Variants in SORT1 observed in about 807,000 individuals in gnomAD.
The protein encoded by SORT1 is sortilin.
A neutral mutation model predicts 101.7 loss-of-function variants in SORT1; 39 were observed. The observed-to-expected ratio is 0.38, with a 90% CI of 0.30 to 0.50. The LOEUF (loss-of-function observed/expected upper bound fraction) is 0.50. Ranked by LOEUF, SORT1 falls within the 20% of genes least tolerant of loss-of-function variation. The probability of loss-of-function intolerance (pLI) is 0.90; values close to 1 mark genes in which losing one functional copy is unlikely to be tolerated. For synonymous variants in SORT1, 396 were observed against 393.7 expected (o/e 1.01, Z -0.07); for missense variants, 878 against 1,040.4 (o/e 0.84, Z 2.15).
chr1:109,374,269 T>A (rs575468789), intron 1 of SORT1, among the ~76,000 whole-genome samples: 120 of 151,956 alleles, frequency 7.9e-4, no homozygotes, highest in South Asian at 4.2e-3. Context: ...GAAAAAAAAT[T>A]TTTTTAAAGA....
At chr1:109,382,636 C>G (rs1277827048) in intron 1 of SORT1, among the ~76,000 whole-genome samples, 1 of 152,134 alleles carries the variant, frequency 6.6e-6, no homozygotes, top group Admixed American at 6.5e-5. Flanking sequence ...TGTCCATTAC[C>G]TATTGAACAG....
At chr1:109,335,413 A>T (rs984785416) in intron 11 of SORT1, among the ~76,000 whole-genome samples, 4 of 152,188 alleles carry the variant, frequency 2.6e-5, no homozygotes, top group Non-Finnish European at 5.9e-5. Context: ...AGTCGGGTAG[A>T]TGCAACAGTG....
chr1:109,341,135 C>A (rs1649191385), intron 9 of SORT1, among the ~76,000 whole-genome samples: 1 of 152,140 alleles, frequency 6.6e-6, no homozygotes. Flanking sequence ...TCAGATGCTA[C>A]AGAAAAACTC....
At chr1:109,316,241 G>A (rs191209412) in intron 17 of SORT1, among the ~76,000 whole-genome samples, 9 of 150,218 alleles carry the variant, frequency 6.0e-5, no homozygotes, top group South Asian at 4.2e-4. Context: ...TTTTTGGTAC[G>A]GAGTCTTGCT....
At position 109,327,143 on chromosome 1, in the gene SORT1, T is replaced by C. The variant is rs1261272160; in HGVS notation, c.1492A>G (p.Ile498Val). ...VIAHGSVGDA[I>V]SVMVPDVYIS... ...TACACATCTGGAACCATCACTGAGA[T>C]GGCATCCCCCACGCTACCTGCAATA... The change falls in exon 13 of 20, where the codon ATC becomes GTC. Residue 498 changes from isoleucine to valine, a missense_variant. By Grantham distance (29) the Ile-to-Val change is conservative. Around this residue, in one of 2 missense-constraint regions of SORT1, gnomAD observed 684 missense variants for 894.5 expected, o/e 0.76. Coordinates refer to ENST00000256637, the MANE Select transcript of SORT1 (RefSeq NM_002959.7). 1.2e-6 allele frequency: 2 copies of C among 1,613,290 alleles called. No homozygotes were observed. The highest frequency in any genetic ancestry group is 1.3e-5 in the African/African-American group (1 of 75,012).
At chr1:109,326,595 A>G (rs1648094764) in intron 13 of SORT1, among the ~76,000 whole-genome samples, 1 of 148,940 alleles carries the variant, frequency 6.7e-6, no homozygotes, top group African/African-American at 2.5e-5. Context: ...ACACACATAT[A>G]TATATATATG....
intron 5 of SORT1, among the ~76,000 whole-genome samples, chr1:109,353,169 T>C (rs908806530): frequency 3.3e-5 from 5 of 151,276 alleles, no homozygotes; most frequent in Non-Finnish European, 7.4e-5. Context: ...CTACTAAAAA[T>C]ACAAAAAAAT....
chr1:109,347,508 A>G lies in SORT1; in HGVS notation c.807T>C (p.Phe269=). Reference sequence around the variant, plus strand: ...TGCAGGAGCCATTTGCATAGGTTGTAAAGAAGATGGTGTTGTCTGATCCCC... The same window carrying G: ...TGCAGGAGCCATTTGCATAGGTTGTGAAGAAGATGGTGTTGTCTGATCCCC... ...AKWGSDNTIF[F]TTYANGSCKA... The change falls in exon 7 of 20, where the codon TTT becomes TTC. Residue 269 remains phenylalanine, a synonymous_variant. Transcript: ENST00000256637. 1 of 1,611,242 alleles carries G rather than the reference A, an allele frequency of 6.2e-7. No homozygotes were observed. Among genetic ancestry groups the G allele is most frequent in the Non-Finnish European group, 8.5e-7 (1 of 1,177,398 alleles).
intron 10 of SORT1, among the ~76,000 whole-genome samples, chr1:109,338,820 C>A (rs1649013290): frequency 6.6e-6 from 1 of 152,080 alleles, no homozygotes; most frequent in African/African-American, 2.4e-5. Context: ...GATCCCTCCT[C>A]CCCCGGCATC....
At chr1:109,318,613 G>C (rs1647405308) in intron 15 of SORT1, among the ~76,000 whole-genome samples, 1 of 152,170 alleles carries the variant, frequency 6.6e-6, no homozygotes, top group African/African-American at 2.4e-5. Context: ...AGCATCAGCA[G>C]CAGCTCTCAA....
intron 14 of SORT1, 32 bp downstream of exon 14, chr1:109,324,867 T>A (rs1163175918): frequency 6.9e-7 from 1 of 1,448,384 alleles, no homozygotes. Flanking sequence ...ACTTGGAAGT[T>A]TCTGGTAGAA....
intron 7 of SORT1, among the ~76,000 whole-genome samples, chr1:109,347,073 G>A (rs532393821): frequency 2.6e-4 from 40 of 152,330 alleles, no homozygotes; most frequent in African/African-American, 9.6e-4. Flanking sequence ...ATGAGCAGGT[G>A]CTCAAATATC....
Position 109,397,822 on chromosome 1 carries a change from A to G in SORT1, c.71T>C (p.Leu24Pro). Reference sequence around the variant, plus strand: ...GAGGGTCGACGGCGGCAGCAGCTGCAGGAGGAGGAGGAGGCCGAGGCCATG... The same window carrying G: ...GAGGGTCGACGGCGGCAGCAGCTGCGGGAGGAGGAGGAGGCCGAGGCCATG... ...WPHGLGLLLL[L>P]QLLPPSTLSQ... Residue 24 changes from leucine to proline, a missense_variant, in exon 1 of 20, where the codon CTG becomes CCG. Around this residue, in one of 2 missense-constraint regions of SORT1, gnomAD observed 194 missense variants for 145.9 expected, o/e 1.33. Transcript: ENST00000256637. 3 of 1,282,874 alleles carry G rather than the reference A, an allele frequency of 2.3e-6. No homozygotes were observed. The highest frequency in any genetic ancestry group is 3.0e-6 in the Non-Finnish European group (3 of 1,004,180). The allele number at this position is 1,282,874 out of a possible 1,614,324, so 79.5% of individuals were successfully genotyped here.
chr1:109,374,730 G>A (rs565838001), intron 1 of SORT1, among the ~76,000 whole-genome samples: 1 of 152,180 alleles, frequency 6.6e-6, no homozygotes, highest in African/African-American at 2.4e-5. Flanking sequence ...AGACTGAGGC[G>A]GGCAGATCAC....
At chr1:109,331,271 T>C (rs1648437571) in intron 11 of SORT1, among the ~76,000 whole-genome samples, 1 of 152,178 alleles carries the variant, frequency 6.6e-6, no homozygotes, top group African/African-American at 2.4e-5. Context: ...TTATATACCA[T>C]GATCAAGTAG....
At chr1:109,323,603 A>T (rs1647786836) in intron 14 of SORT1, among the ~76,000 whole-genome samples, 1 of 152,242 alleles carries the variant, frequency 6.6e-6, no homozygotes, top group East Asian at 1.9e-4. Context: ...AAGGGAAAAC[A>T]TCCTTTTCCT....
At chr1:109,375,482 T>G (rs1279616181) in intron 1 of SORT1, among the ~76,000 whole-genome samples, 1 of 132,450 alleles carries the variant, frequency 7.6e-6, no homozygotes, top group Non-Finnish European at 1.5e-5. Flanking sequence ...GGGCGGTGCC[T>G]GCAGTGAGCC....
At chr1:109,352,832 A>G (rs537338800) in intron 5 of SORT1, among the ~76,000 whole-genome samples, 1 of 152,196 alleles carries the variant, frequency 6.6e-6, no homozygotes, top group Non-Finnish European at 1.5e-5. Context: ...TCCTGAGGAC[A>G]GTGCTGTTTT....
intron 11 of SORT1, among the ~76,000 whole-genome samples, chr1:109,334,100 C>G (rs552356212): frequency 6.6e-6 from 1 of 151,928 alleles, no homozygotes; most frequent in Non-Finnish European, 1.5e-5. Context: ...GAGCCAAGAT[C>G]GTGCTATTGT....
Sources: gnomAD v4.1 joint callset for allele counts (sites outside exome capture counted in the v4.1 genomes callset) on GRCh38, gnomAD v4.1.1 for gene constraint, gnomAD v4.1.1 regional missense constraint, MANE v1.5 for transcripts, NCBI Gene and HGNC (gene_info 2026-07-23, HGNC 2026-07-21) for gene names.